PXDN: variants seen among roughly 807,000 people sequenced by gnomAD.
PXDN encodes peroxidasin.
In PXDN, 77 loss-of-function variants were observed where a neutral mutation model predicts 140.3. The observed-to-expected ratio is 0.55, with a 90% CI of 0.46 to 0.66. The LOEUF is 0.66. Ranked by LOEUF, PXDN falls within the 30% of genes least tolerant of loss-of-function variation. PXDN has a pLI of 0.00. For synonymous variants in PXDN, 911 were observed against 857.4 expected, an observed-to-expected ratio of 1.06 and a Z score of -1.09; for missense variants, 1,838 against 2,039.5, an observed-to-expected ratio of 0.90 and a Z score of 1.90.
intron 1 of PXDN, among the ~76,000 whole-genome samples, chr2:1,736,638 G>A (rs1685429160): frequency 6.6e-6 from 1 of 151,806 alleles, no homozygotes; most frequent in South Asian, 2.1e-4. Flanking sequence ...TGGGCAAATA[G>A]CAAGACTCCA....
At chr2:1,688,039 G>A (rs918322719) in intron 3 of PXDN, among the ~76,000 whole-genome samples, 1 of 152,136 alleles carries the variant, frequency 6.6e-6, no homozygotes, top group Non-Finnish European at 1.5e-5. Flanking sequence ...TTTTCCACAG[G>A]CATGTATAAT....
chr2:1,660,791 C>A lies in PXDN; in HGVS notation c.1837+90G>T. 2 of 1,470,502 alleles carry A rather than the reference C, an allele frequency of 1.4e-6. No homozygotes were observed. Among genetic ancestry groups the A allele is most frequent in the Non-Finnish European group, 9.2e-7 (1 of 1,092,790 alleles). The allele number at this position is 1,470,502 out of a possible 1,614,324, so 91.1% of individuals were successfully genotyped here. On this transcript the variant is annotated intron_variant, in intron 14 of 22. Transcript: ENST00000252804. This position sits in a 1 kb window ranked among gnomAD's most constrained non-coding sequence, Gnocchi z 4.6. ...TTGTCTTCTGAATAATTCTGAACAG[C>A]CTAAGTCAACTGGCCTGGGACCACA...
chr2:1,677,387 G>A (rs555864670), intron 7 of PXDN, among the ~76,000 whole-genome samples: 3 of 152,304 alleles, frequency 2.0e-5, no homozygotes, highest in East Asian at 1.9e-4. Context: ...GCCACGGGTC[G>A]CTATTTTCAC....
intron 17 of PXDN, among the ~76,000 whole-genome samples, chr2:1,646,683 C>T (rs1236179305): frequency 3.3e-5 from 5 of 152,158 alleles, no homozygotes; most frequent in Non-Finnish European, 5.9e-5. Context: ...CAGGGTATGT[C>T]CTAACTTCAG....
At chr2:1,640,374 A>C (rs911252949) in intron 19 of PXDN, among the ~76,000 whole-genome samples, 5 of 152,240 alleles carry the variant, frequency 3.3e-5, no homozygotes, top group Admixed American at 3.3e-4. Flanking sequence ...TTCTATGAGA[A>C]GAGAAGAGGC....
chr2:1,637,756 G>A (rs12714338), intron 21 of PXDN, among the ~76,000 whole-genome samples: 6,333 of 15,556 alleles, frequency 0.41, 588 homozygotes, highest in South Asian at 0.58. Flanking sequence ...GGAGGGAGGA[G>A]GACCTGCCAC....
intron 1 of PXDN, among the ~76,000 whole-genome samples, chr2:1,698,602 T>C (rs548838059): frequency 2.0e-5 from 3 of 151,186 alleles, no homozygotes; most frequent in South Asian, 4.2e-4. Context: ...AGTCTGTAAG[T>C]GGCAGAACTA....
intron 2 of PXDN, chr2:1,692,650 A>G: frequency 4.2e-6 from 2 of 472,060 alleles, no homozygotes; most frequent in South Asian, 3.1e-5. Flanking sequence ...TCCAGGCATC[A>G]TGGGACTGCC....
In PXDN at chr2:1,702,394, T is replaced by C. The variant is rs1169187839; in HGVS notation, c.201-9260A>G. Among the ~76,000 whole-genome samples the C allele has an allele frequency of 2.6e-5, 4 of 152,188 alleles. No homozygotes were observed. In the East Asian group the frequency reaches 5.8e-4, roughly 22 times the overall value. ...TGGGGCAGGCCCCACCAGGGCTGCATGGACGGGGCAAGGAGCTGCTCTAAG... is the reference window on the plus strand; with the variant it reads ...TGGGGCAGGCCCCACCAGGGCTGCACGGACGGGGCAAGGAGCTGCTCTAAG... On this transcript the variant is annotated intron_variant, in intron 1 of 22. Transcript: ENST00000252804.
intron 8 of PXDN, chr2:1,676,704 C>A: frequency 1.7e-6 from 1 of 599,512 alleles, no homozygotes; most frequent in Non-Finnish European, 3.0e-6. Flanking sequence ...CCCTGTGCTG[C>A]CCAGGAGAGA....
chr2:1,692,015 G>T lies in PXDN; in HGVS notation c.273-16C>A. On this transcript the variant is annotated splice_polypyrimidine_tract_variant and intron_variant, in intron 2 of 22. Coordinates refer to ENST00000252804, the MANE Select transcript of PXDN (RefSeq NM_012293.3). ...ATTGAGAAGCCTATGAAAGAGAGTC[G>T]ATAAGAATTTTAAAAAACAACAGAA... The T allele has an allele frequency of 2.0e-6, 3 of 1,483,450 alleles. No homozygotes were observed. Among genetic ancestry groups the T allele is most frequent in the Non-Finnish European group, 1.8e-6 (2 of 1,100,046 alleles). The allele number at this position is 1,483,450 out of a possible 1,614,324, so 91.9% of individuals were successfully genotyped here. A position where few individuals can be genotyped will look rare whatever the true frequency, so the allele number is the denominator to read the frequency against.
At chr2:1,704,306 A>G (rs1254434980) in intron 1 of PXDN, among the ~76,000 whole-genome samples, 1 of 82,798 alleles carries the variant, frequency 1.2e-5, no homozygotes, top group Admixed American at 1.3e-4. Context: ...CAGGTGAAGG[A>G]AGGACAACTC....
At position 1,651,823 on chromosome 2, in the gene PXDN, G is replaced by C. The variant is rs1389744728; in HGVS notation, c.2104+1805C>G. On this transcript the variant is annotated intron_variant, in intron 16 of 22. Transcript: ENST00000252804. This position sits in a 1 kb window ranked among gnomAD's most constrained non-coding sequence, Gnocchi z 4.4. ...TCGCTGGGGCTTCTTATGTGCAGGG[G>C]CCTCTCTCTGGTTTTCCATCTGCAT... Among the ~76,000 whole-genome samples, 1 of 152,206 alleles carries C rather than the reference G, an allele frequency of 6.6e-6. No homozygotes were observed. The highest frequency in any genetic ancestry group is 2.4e-5 in the African/African-American group (1 of 41,450).
chr2:1,723,777 G>A (rs184131224), intron 1 of PXDN, among the ~76,000 whole-genome samples: 3 of 152,220 alleles, frequency 2.0e-5, no homozygotes, highest in East Asian at 3.9e-4. Flanking sequence ...CACTGATCCA[G>A]GAAAATTATA....
chr2:1,649,661 C>A lies in PXDN; in HGVS notation c.2119G>T (p.Asp707Tyr). Residue 707 changes from aspartate to tyrosine, a missense_variant, in exon 17 of 23, where the codon GAC becomes TAC. By Grantham distance (160) the Asp-to-Tyr change is radical. Around this residue, in one of 5 missense-constraint regions of PXDN, gnomAD observed 537 missense variants for 583.9 expected, o/e 0.92. Coordinates refer to ENST00000252804, the MANE Select transcript of PXDN (RefSeq NM_012293.3). This position sits in a 1 kb window ranked among gnomAD's most constrained non-coding sequence, Gnocchi z 7.1. ...TTCAGGTACTGTGGAGACACCAGGT[C>A]GTTGTAGTGGTAACCTGGGACGTGG... ...DLNGTSYHYN[D>Y]LVSPQYLNLI... The A allele has an allele frequency of 1.2e-6, 2 of 1,613,786 alleles. No homozygotes were observed. The highest frequency in any genetic ancestry group is 2.2e-5 in the South Asian group (2 of 91,022).
chr2:1,638,824 C>A lies in PXDN; in HGVS notation c.4206+22G>T, dbSNP rs1277615198. On this transcript the variant is annotated intron_variant, in intron 21 of 22. Coordinates refer to ENST00000252804, the MANE Select transcript of PXDN (RefSeq NM_012293.3). ...GCTGTGGAATCTTGGAGTGGGGGGA[C>A]ACAGGCCGCCAGGCACCTCACCTGT... 3.1e-6 allele frequency: 5 copies of A among 1,613,716 alleles called. No homozygotes were observed. In the African/African-American group the frequency reaches 4.0e-5, roughly 13 times the overall value.
At chr2:1,662,395 G>A (rs911405475) in intron 12 of PXDN, among the ~76,000 whole-genome samples, 1 of 152,178 alleles carries the variant, frequency 6.6e-6, no homozygotes, top group African/African-American at 2.4e-5. Flanking sequence ...CCGCCTCCCC[G>A]CCTCTCAGGG....
At chr2:1,688,954 C>T (rs1430394261) in intron 3 of PXDN, among the ~76,000 whole-genome samples, 1 of 152,106 alleles carries the variant, frequency 6.6e-6, no homozygotes, top group African/African-American at 2.4e-5. Flanking sequence ...TTCTTACAAC[C>T]CATCTAAGTG....
intron 3 of PXDN, among the ~76,000 whole-genome samples, chr2:1,688,380 T>C (rs1056476024): frequency 3.9e-5 from 6 of 152,228 alleles, no homozygotes; most frequent in African/African-American, 1.4e-4. Flanking sequence ...TGGCGCTGTG[T>C]GGCCGAGCTG....
Sources: allele counts gnomAD v4.1 joint callset (sites outside exome capture counted in the v4.1 genomes callset), GRCh38; gene constraint gnomAD v4.1.1; regional missense constraint gnomAD v4.1.1; non-coding constraint Gnocchi (gnomAD v3.1); transcripts MANE v1.5; gene names NCBI Gene and HGNC (gene_info 2026-07-23, HGNC 2026-07-21).